CADPS2: variants seen among roughly 807,000 people sequenced by gnomAD.
CADPS2 encodes the protein calcium dependent secretion activator 2, also known as calcium-dependent secretion activator 2.
CADPS2 carries 93 observed loss-of-function variants against 172.5 expected under a neutral mutation model. The observed-to-expected ratio is 0.54, with a 90% CI of 0.46 to 0.64. The LOEUF is 0.64. Ranked by LOEUF, CADPS2 falls within the 30% of genes least tolerant of loss-of-function variation. CADPS2 has a pLI of 0.00. For synonymous variants in CADPS2, 546 were observed against 555.2 expected (o/e 0.98, Z 0.23); for missense variants, 1,420 against 1,565.9 (o/e 0.91, Z 1.57).
chr7:122,557,619 A>G (rs1401215027), intron 7 of CADPS2, among the ~76,000 whole-genome samples: 2 of 152,166 alleles, frequency 1.3e-5, no homozygotes, highest in African/African-American at 4.8e-5. Context: ...GCTAGCTGTG[A>G]CACAGATATT....
chr7:122,598,078 A>G (rs2072149707), intron 6 of CADPS2, among the ~76,000 whole-genome samples: 1 of 152,042 alleles, frequency 6.6e-6, no homozygotes, highest in South Asian at 2.1e-4. Flanking sequence ...CTTTTTTCTT[A>G]GATTCCTTAC....
chr7:122,576,997 G>A (rs904527020), intron 7 of CADPS2, among the ~76,000 whole-genome samples: 1 of 151,994 alleles, frequency 6.6e-6, no homozygotes, highest in Admixed American at 6.6e-5. Flanking sequence ...CTGACCTCAG[G>A]TGATCCCCCT....
chr7:122,696,140 C>T (rs1269302622), intron 2 of CADPS2, among the ~76,000 whole-genome samples: 3 of 152,134 alleles, frequency 2.0e-5, no homozygotes, highest in Non-Finnish European at 2.9e-5. Flanking sequence ...TTAACAGTGG[C>T]CAAAGAATGA....
chr7:122,886,386 C>T lies in CADPS2; in HGVS notation c.-49G>A, dbSNP rs1295635625. On this transcript the variant is annotated 5_prime_UTR_variant, in exon 1 of 30. In the 5' UTR this introduces an upstream ATG that the reference lacks. Transcript: ENST00000449022. ...CGGCCCGCGGTCCCCAAGCGCCTCA[C>T]CCCCGGCGGCTGCGCCCGCGGGTCT... 6.8e-7 allele frequency: 1 copy of T among 1,463,704 alleles called. No individual in the cohort carries two copies. The highest frequency in any genetic ancestry group is 8.9e-7 in the Non-Finnish European group (1 of 1,118,696). 90.7% of individuals were successfully genotyped at this position (1,463,704 alleles called of 1,614,324 possible).
At chr7:122,372,690 A>G (rs192259713) in intron 25 of CADPS2, among the ~76,000 whole-genome samples, 1 of 152,318 alleles carries the variant, frequency 6.6e-6, no homozygotes, top group Admixed American at 6.5e-5. Flanking sequence ...CATCTACTTT[A>G]TGTTGAGTTA....
chr7:122,554,295 T>C (rs540197925), intron 8 of CADPS2, among the ~76,000 whole-genome samples: 1 of 152,138 alleles, frequency 6.6e-6, no homozygotes, highest in Non-Finnish European at 1.5e-5. Flanking sequence ...ATATGACTGA[T>C]GAGTAATACT....
At chr7:122,473,427 G>GT (rs2056235109) in intron 13 of CADPS2, among the ~76,000 whole-genome samples, 1 of 152,136 alleles carries the variant, frequency 6.6e-6, no homozygotes, top group Non-Finnish European at 1.5e-5. Context: ...TTAGGCTAAG[G>GT]TTTTTCTTTT....
intron 17 of CADPS2, among the ~76,000 whole-genome samples, chr7:122,416,574 T>C (rs1201581001): frequency 6.6e-6 from 1 of 152,202 alleles, no homozygotes. Flanking sequence ...CCATGCTTTT[T>C]TGTTGCTGTT....
chr7:122,866,073 G>C (rs1818243059), intron 1 of CADPS2, among the ~76,000 whole-genome samples: 1 of 152,218 alleles, frequency 6.6e-6, no homozygotes, highest in Non-Finnish European at 1.5e-5. Context: ...ATGGGAAAAA[G>C]TGGGGCAGGG....
chr7:122,725,835 T>C (rs1255084523), intron 2 of CADPS2, among the ~76,000 whole-genome samples: 2 of 151,504 alleles, frequency 1.3e-5, no homozygotes, highest in Non-Finnish European at 2.9e-5. Context: ...TATACTCTAA[T>C]CCATACTGAA....
At chr7:122,715,356 T>C (rs1361778653) in intron 2 of CADPS2, among the ~76,000 whole-genome samples, 4 of 152,088 alleles carry the variant, frequency 2.6e-5, no homozygotes, top group Non-Finnish European at 5.9e-5. Context: ...CCCTATCTCC[T>C]AGGTAAGGTT....
chr7:122,658,429 T>A (rs376437141), intron 3 of CADPS2, among the ~76,000 whole-genome samples: 1 of 152,156 alleles, frequency 6.6e-6, no homozygotes, highest in Non-Finnish European at 1.5e-5. Flanking sequence ...GCTATAAAGA[T>A]ACAGGCACAG....
At chr7:122,630,919 T>A (rs2076516945) in intron 3 of CADPS2, among the ~76,000 whole-genome samples, 1 of 152,132 alleles carries the variant, frequency 6.6e-6, no homozygotes, top group Admixed American at 6.6e-5. Flanking sequence ...TTCTATGTCA[T>A]CTCATAAAAC....
intron 25 of CADPS2, among the ~76,000 whole-genome samples, chr7:122,371,468 G>A (rs2041754167): frequency 6.6e-6 from 1 of 152,134 alleles, no homozygotes; most frequent in African/African-American, 2.4e-5. Context: ...CAGATCTTGT[G>A]AGACTCACTC....
At chr7:122,579,571 C>G (rs2068533437) in intron 7 of CADPS2, among the ~76,000 whole-genome samples, 2 of 150,232 alleles carry the variant, frequency 1.3e-5, no homozygotes, top group Non-Finnish European at 3.0e-5. Context: ...TTACTTATAG[C>G]ATTAGACTTA....
At chr7:122,734,927 C>T (rs928301485) in intron 2 of CADPS2, among the ~76,000 whole-genome samples, 1 of 152,068 alleles carries the variant, frequency 6.6e-6, no homozygotes, top group Admixed American at 6.6e-5. Context: ...TAGAAAAACC[C>T]TCGGTCACCA....
At position 122,702,836 on chromosome 7, in the gene CADPS2, G is replaced by A. The variant is rs75461294; in HGVS notation, c.453+34119C>T. The A allele has an allele frequency of 1.0e-3, 1,045 of 1,003,328 alleles. 12 individuals carry two copies. The East Asian group carries it at 0.023, about 22-fold the overall frequency. The allele number at this position is 1,003,328 out of a possible 1,614,324, so 62.2% of individuals were successfully genotyped here. A position where few individuals can be genotyped will look rare whatever the true frequency, so the allele number is the denominator to read the frequency against. ...AACATAAAGAAGATAGCTTGTTGGCGGCAGATTACTAAAGCACATAAATGG... is the reference window on the plus strand; with the variant it reads ...AACATAAAGAAGATAGCTTGTTGGCAGCAGATTACTAAAGCACATAAATGG... On this transcript the variant is annotated intron_variant, in intron 2 of 29. Coordinates refer to ENST00000449022, the MANE Select transcript of CADPS2 (RefSeq NM_017954.11).
intron 4 of CADPS2, among the ~76,000 whole-genome samples, 198 bp from the exon 5 acceptor site, chr7:122,621,915 T>C (rs992192898): frequency 1.3e-4 from 20 of 152,146 alleles, no homozygotes; most frequent in Non-Finnish European, 1.8e-4. Context: ...AGATATCTTA[T>C]TGAGGATCAC....
intron 3 of CADPS2, among the ~76,000 whole-genome samples, chr7:122,630,277 T>A (rs1172479232): frequency 6.6e-6 from 1 of 151,980 alleles, no homozygotes; most frequent in Non-Finnish European, 1.5e-5. Flanking sequence ...TTGACCAGGT[T>A]ACATTTTTAA....
Sources: allele counts gnomAD v4.1 joint callset (sites outside exome capture counted in the v4.1 genomes callset), GRCh38; gene constraint gnomAD v4.1.1; transcripts MANE v1.5; gene names NCBI Gene and HGNC (gene_info 2026-07-23, HGNC 2026-07-21).